Variants in CDC42SE2 observed in about 807,000 individuals in gnomAD.
The protein encoded by CDC42SE2 is CDC42 small effector 2.
A neutral mutation model predicts 11.5 loss-of-function variants in CDC42SE2; 3 were observed. The observed-to-expected ratio is 0.26, with a 90% CI of 0.12 to 0.67. CDC42SE2 has a LOEUF of 0.67. Ranked by LOEUF, CDC42SE2 falls within the 30% of genes least tolerant of loss-of-function variation. The probability of loss-of-function intolerance (pLI) is 0.80; values close to 1 mark genes in which losing one functional copy is unlikely to be tolerated. For synonymous variants in CDC42SE2, 33 were observed against 34.8 expected (o/e 0.95, Z 0.18); for missense variants, 82 against 106.8 (o/e 0.77, Z 1.02).
intron 2 of CDC42SE2, among the ~76,000 whole-genome samples, chr5:131,337,336 C>G (rs1443165778): frequency 6.6e-6 from 1 of 152,166 alleles, no homozygotes; most frequent in Non-Finnish European, 1.5e-5. Flanking sequence ...GAAGTTTTGT[C>G]TCAGAGGAGT....
intron 2 of CDC42SE2, among the ~76,000 whole-genome samples, chr5:131,357,590 T>C (rs1749588808): frequency 6.6e-6 from 1 of 152,228 alleles, no homozygotes; most frequent in Middle Eastern, 3.2e-3. Flanking sequence ...GTGAGGTCTC[T>C]TTCCAGAATT....
the CDC42SE2 span, among the ~76,000 whole-genome samples, chr5:131,224,917 G>A: frequency 2.0e-5 from 3 of 151,900 alleles, no homozygotes; most frequent in Admixed American, 2.0e-4. Context: ...CAGGCCAGCA[G>A]CAGCCCATGT....
upstream of CDC42SE2, among the ~76,000 whole-genome samples, chr5:131,260,395 G>A (rs1756713890): frequency 1.3e-5 from 2 of 152,158 alleles, no homozygotes; most frequent in Non-Finnish European, 2.9e-5. Context: ...GGCTGGGGCG[G>A]GCGGATCACC....
intron 1 of CDC42SE2, among the ~76,000 whole-genome samples, chr5:131,307,536 T>C (rs968408027): frequency 6.6e-6 from 1 of 152,116 alleles, no homozygotes; most frequent in African/African-American, 2.4e-5. Context: ...TACGTGTGCA[T>C]GTGTCTTTAT....
At chr5:131,293,045 A>G (rs1384701348) in intron 1 of CDC42SE2, among the ~76,000 whole-genome samples, 6 of 152,110 alleles carry the variant, frequency 3.9e-5, no homozygotes, top group African/African-American at 4.8e-5. Context: ...TCAGATTTTA[A>G]TAATCTAAAA....
rs562286621 is a variant in CDC42SE2, at chr5:131,312,262, T to C, written c.-454-3714T>C. Among the ~76,000 whole-genome samples, 12 of 152,110 alleles carry C rather than the reference T, an allele frequency of 7.9e-5. No homozygotes were observed. In the East Asian group the frequency reaches 1.5e-3, roughly 20 times the overall value. On this transcript the variant is annotated intron_variant, in intron 1 of 4. Transcript: ENST00000505065. ...CCTCCCAGTTAGGCTTCTCGGGGGT[T>C]AGGGGTCAGGGACCCACTTGAGGAG...
intron 2 of CDC42SE2, among the ~76,000 whole-genome samples, chr5:131,348,115 A>G (rs1042245477): frequency 1.3e-5 from 2 of 152,194 alleles, no homozygotes; most frequent in African/African-American, 4.8e-5. Flanking sequence ...CAACACTCCT[A>G]TTCAACATAG....
At chr5:131,350,637 G>A (rs413068) in intron 2 of CDC42SE2, among the ~76,000 whole-genome samples, 8,741 of 147,532 alleles carry the variant, frequency 0.059, 284 homozygotes, top group East Asian at 0.13. Context: ...GTGTGTGTGT[G>A]TATATATATA....
the CDC42SE2 span, among the ~76,000 whole-genome samples, chr5:131,230,519 A>G: frequency 6.6e-6 from 1 of 152,228 alleles, no homozygotes; most frequent in Admixed American, 6.5e-5. Flanking sequence ...CAGCACAGCT[A>G]TTTCTGCTGC....
At chr5:131,218,700 T>A in the CDC42SE2 span, among the ~76,000 whole-genome samples, 1 of 152,162 alleles carries the variant, frequency 6.6e-6, no homozygotes, top group Admixed American at 6.5e-5. Context: ...TGAAAACAGG[T>A]AAAATTGATA....
chr5:131,325,231 G>C (rs1436562841), intron 2 of CDC42SE2, among the ~76,000 whole-genome samples: 1 of 152,118 alleles, frequency 6.6e-6, no homozygotes, highest in Non-Finnish European at 1.5e-5. Flanking sequence ...CATTAAATGT[G>C]AAAATTTTGA....
intron 2 of CDC42SE2, among the ~76,000 whole-genome samples, chr5:131,350,805 GAA>G (rs1362143035): frequency 6.6e-6 from 1 of 151,884 alleles, no homozygotes; most frequent in African/African-American, 2.4e-5. Flanking sequence ...AAGCAATTTT[GAA>G]AAAGAGTATA....
At chr5:131,236,893 A>G in the CDC42SE2 span, among the ~76,000 whole-genome samples, 11 of 152,148 alleles carry the variant, frequency 7.2e-5, no homozygotes, top group African/African-American at 2.7e-4. Flanking sequence ...CTGTTTTTCT[A>G]CCTGCCCAAA....
At chr5:131,276,792 A>G (rs1170054383) in intron 1 of CDC42SE2, among the ~76,000 whole-genome samples, 1 of 150,482 alleles carries the variant, frequency 6.6e-6, no homozygotes, top group African/African-American at 2.5e-5. Context: ...TAGTGGTGCA[A>G]TTTTGGTTCA....
intron 1 of CDC42SE2, among the ~76,000 whole-genome samples, chr5:131,266,134 A>G (rs755671818): frequency 6.6e-6 from 1 of 152,182 alleles, no homozygotes; most frequent in Non-Finnish European, 1.5e-5. Flanking sequence ...AACTGTGATA[A>G]AACTACTAAT....
At position 131,353,705 on chromosome 5, in the gene CDC42SE2, A is replaced by T. The variant is rs188333226; in HGVS notation, c.-285-5504A>T. 2.2e-3 allele frequency among the ~76,000 whole-genome samples: 330 copies of T among 152,216 alleles called. 1 individual carries two copies. The highest frequency in any genetic ancestry group is 3.3e-3 in the Non-Finnish European group (226 of 67,998). ...CGGATCACTTGAGGTCAGGCGTTTGAGACCAGCCTAGCCAACATGGTGAAA... is the reference window on the plus strand; with the variant it reads ...CGGATCACTTGAGGTCAGGCGTTTGTGACCAGCCTAGCCAACATGGTGAAA... On this transcript the variant is annotated intron_variant, in intron 2 of 4. Coordinates refer to ENST00000505065, the MANE Select transcript of CDC42SE2 (RefSeq NM_001375635.1).
the CDC42SE2 span, among the ~76,000 whole-genome samples, chr5:131,220,637 A>G: frequency 2.6e-4 from 40 of 152,318 alleles, no homozygotes; most frequent in Non-Finnish European, 4.9e-4. Flanking sequence ...ATGACAGAAG[A>G]TAGTACATTG....
intron 2 of CDC42SE2, among the ~76,000 whole-genome samples, chr5:131,325,340 TATGAA>T (rs1416092297): frequency 2.6e-5 from 4 of 152,232 alleles, no homozygotes; most frequent in Non-Finnish European, 4.4e-5. Context: ...TTTGAATAGA[TATGAA>T]ATGGTAGTTG....
At chr5:131,313,172 C>T (rs749165158) in intron 1 of CDC42SE2, among the ~76,000 whole-genome samples, 3 of 151,766 alleles carry the variant, frequency 2.0e-5, no homozygotes, top group Non-Finnish European at 4.4e-5. Flanking sequence ...TTAGTGGAGG[C>T]GGGGTTTTGC....
Sources: allele counts gnomAD v4.1 joint callset (sites outside exome capture counted in the v4.1 genomes callset), GRCh38; gene constraint gnomAD v4.1.1; transcripts MANE v1.5; gene names NCBI Gene and HGNC (gene_info 2026-07-23, HGNC 2026-07-21).